CAMTA1: variants seen among roughly 807,000 people sequenced by gnomAD.
CAMTA1 encodes calmodulin binding transcription activator 1.
In CAMTA1, 27 loss-of-function variants were observed where a neutral mutation model predicts 170.9. The observed-to-expected ratio is 0.16, with a 90% CI of 0.12 to 0.22. CAMTA1 has a LOEUF of 0.22. CAMTA1 is among the 10% of genes least tolerant of loss of function. CAMTA1 has a pLI of 1.00. For synonymous variants in CAMTA1, 833 were observed against 891.5 expected (o/e 0.93, Z 1.17); for missense variants, 1,619 against 2,217.2 (o/e 0.73, Z 5.42).
At position 7,768,969 on chromosome 1, in the gene CAMTA1, G is replaced by A. The variant is rs2097039997; in HGVS notation, c.*2478G>A. 1 of 152,106 alleles carries A rather than the reference G, an allele frequency of 6.6e-6. No homozygotes were observed. Among genetic ancestry groups the A allele is most frequent in the Non-Finnish European group, 1.5e-5 (1 of 68,008 alleles). 9.4% of individuals were successfully genotyped at this position (152,106 alleles called of 1,614,324 possible). A position where few individuals can be genotyped will look rare whatever the true frequency, so the allele number is the denominator to read the frequency against. ...ACAAATAACTGATGTTTTAACCAGA[G>A]TAATGACCTCAGTGGATTTGCTTTA... On this transcript the variant is annotated 3_prime_UTR_variant, in exon 23 of 23. Coordinates refer to ENST00000303635, the MANE Select transcript of CAMTA1 (RefSeq NM_015215.4).
intron 3 of CAMTA1, among the ~76,000 whole-genome samples, chr1:7,082,244 C>T (rs972663656): frequency 2.0e-5 from 3 of 152,104 alleles, no homozygotes; most frequent in African/African-American, 7.2e-5. Context: ...TTGAGGCCAG[C>T]CTGACAAACA....
intron 4 of CAMTA1, among the ~76,000 whole-genome samples, chr1:7,223,556 T>G (rs1661195949): frequency 6.6e-6 from 1 of 152,124 alleles, no homozygotes; most frequent in South Asian, 2.1e-4. Context: ...GGGGTTGTGC[T>G]TTCTAGGGCC....
In CAMTA1 at chr1:7,456,439, T is replaced by C. The variant is rs992844550; in HGVS notation, c.439-11391T>C. 1.2e-4 allele frequency among the ~76,000 whole-genome samples: 19 copies of C among 152,246 alleles called. No individual in the cohort carries two copies. The highest frequency in any genetic ancestry group is 2.8e-4 in the Non-Finnish European group (19 of 68,042). On this transcript the variant is annotated intron_variant, in intron 5 of 22. Transcript: ENST00000303635. This position sits in a 1 kb window ranked among gnomAD's most constrained non-coding sequence, Gnocchi z 4.9. ...GAGAGGGAATTTCACTTTATTTATA[T>C]ATTATTTATGCCCAGTACTTTTAGG...
chr1:7,481,284 C>T (rs574630657), intron 6 of CAMTA1, among the ~76,000 whole-genome samples: 1 of 152,352 alleles, frequency 6.6e-6, no homozygotes, highest in East Asian at 1.9e-4. Context: ...CAAAACCTTA[C>T]CGTGACCTCT....
intron 3 of CAMTA1, among the ~76,000 whole-genome samples, chr1:6,917,856 G>T (rs1681178702): frequency 1.4e-5 from 2 of 144,842 alleles, no homozygotes; most frequent in South Asian, 4.7e-4. Flanking sequence ...GGGGGCGGGG[G>T]GGGACATCTA....
At chr1:7,287,303 A>G (rs560453446) in intron 5 of CAMTA1, among the ~76,000 whole-genome samples, 1 of 152,262 alleles carries the variant, frequency 6.6e-6, no homozygotes, top group East Asian at 1.9e-4. Context: ...TATGGCCATC[A>G]TTGTGAATTT....
Position 7,570,254 on chromosome 1 carries a change from C to A in CAMTA1, c.511-70146C>A, listed in dbSNP as rs2095109492. Among the ~76,000 whole-genome samples the A allele has an allele frequency of 1.3e-5, 2 of 152,196 alleles. No individual in the cohort carries two copies. Among genetic ancestry groups the A allele is most frequent in the Admixed American group, 6.5e-5 (1 of 15,282 alleles). On this transcript the variant is annotated intron_variant, in intron 6 of 22. Coordinates refer to ENST00000303635, the MANE Select transcript of CAMTA1 (RefSeq NM_015215.4). This position sits in a 1 kb window ranked among gnomAD's most constrained non-coding sequence, Gnocchi z 4.3. ...CATCCAGGAGAGTTCTTTTCCCTGG[C>A]TTCTGCTTTTGATCCCTGAGGAGAT...
At chr1:7,230,611 G>T (rs1662599763) in intron 4 of CAMTA1, among the ~76,000 whole-genome samples, 1 of 152,336 alleles carries the variant, frequency 6.6e-6, no homozygotes, top group Non-Finnish European at 1.5e-5. Flanking sequence ...AGGTGTGCGA[G>T]AAAATCATTG....
chr1:7,111,710 C>G (rs1458158145), intron 4 of CAMTA1, among the ~76,000 whole-genome samples: 1 of 151,962 alleles, frequency 6.6e-6, no homozygotes, highest in East Asian at 1.9e-4. Flanking sequence ...ACGGTGAAAC[C>G]ACATCTCTAC....
In CAMTA1 at chr1:7,510,495, T is replaced by C. The variant is rs72863082; in HGVS notation, c.510+42594T>C. Among the ~76,000 whole-genome samples the C allele has an allele frequency of 5.6e-3, 818 of 146,178 alleles. 55 individuals carry two copies. The highest frequency in any genetic ancestry group is 0.019 in the African/African-American group (783 of 40,912). On this transcript the variant is annotated intron_variant, in intron 6 of 22. Transcript: ENST00000303635. ...AGGATCAGGGGCAGTGCCCTCCCAA[T>C]AGTGACACATAGGTCACAGCTGTAG... is the stretch of plus-strand genomic sequence containing the variant.
chr1:7,243,754 A>G (rs1488853052), intron 4 of CAMTA1, among the ~76,000 whole-genome samples: 1 of 152,154 alleles, frequency 6.6e-6, no homozygotes. Context: ...GTTTTTTTCC[A>G]ATTCTGTGAA....
intron 6 of CAMTA1, among the ~76,000 whole-genome samples, chr1:7,505,727 G>A (rs2094095311): frequency 1.3e-5 from 2 of 152,198 alleles, no homozygotes; most frequent in South Asian, 2.1e-4. Context: ...GAATGTCCTC[G>A]GGTGGCACAG....
At chr1:7,351,858 G>A (rs539644159) in intron 5 of CAMTA1, among the ~76,000 whole-genome samples, 9 of 152,314 alleles carry the variant, frequency 5.9e-5, no homozygotes, top group East Asian at 3.9e-4. Flanking sequence ...TAAACAGAGC[G>A]TTATTACTAC....
At chr1:7,318,072 AG>A (rs1471421860) in intron 5 of CAMTA1, among the ~76,000 whole-genome samples, 1 of 152,206 alleles carries the variant, frequency 6.6e-6, no homozygotes, top group African/African-American at 2.4e-5. Context: ...GGGTGGGGGA[AG>A]ATGACGGCAA....
At chr1:7,667,796 C>T (rs1486331607) in intron 9 of CAMTA1, among the ~76,000 whole-genome samples, 1 of 152,214 alleles carries the variant, frequency 6.6e-6, no homozygotes, top group Non-Finnish European at 1.5e-5. Flanking sequence ...CTTGCTTTTC[C>T]AGAAGCCCTC....
At chr1:6,798,220 T>C (rs1052705305) in intron 1 of CAMTA1, among the ~76,000 whole-genome samples, 1 of 152,008 alleles carries the variant, frequency 6.6e-6, no homozygotes, top group Admixed American at 6.6e-5. Context: ...ACTCCTGACC[T>C]CAGGTGATTC....
intron 4 of CAMTA1, among the ~76,000 whole-genome samples, chr1:7,217,530 T>C (rs545627727): frequency 2.0e-5 from 3 of 152,314 alleles, no homozygotes; most frequent in Admixed American, 1.3e-4. Flanking sequence ...ATGTCCAATA[T>C]GTATAATATC....
At chr1:6,891,414 T>C (rs1248511581) in intron 3 of CAMTA1, among the ~76,000 whole-genome samples, 2 of 152,252 alleles carry the variant, frequency 1.3e-5, no homozygotes, top group African/African-American at 2.4e-5. Flanking sequence ...TGTTGGCATT[T>C]GCTTCCAAAC....
chr1:7,755,514 T>A (rs1310483146), intron 21 of CAMTA1, 124 bp from the exon 22 acceptor site: 5 of 806,150 alleles, frequency 6.2e-6, no homozygotes, highest in Non-Finnish European at 1.1e-5. Context: ...ATCACTCTCC[T>A]TTTCTTTCTT....
Sources: allele counts gnomAD v4.1 joint callset (sites outside exome capture counted in the v4.1 genomes callset), GRCh38; gene constraint gnomAD v4.1.1; non-coding constraint Gnocchi (gnomAD v3.1); transcripts MANE v1.5; gene names NCBI Gene and HGNC (gene_info 2026-07-23, HGNC 2026-07-21).